PRKCQ: variants seen among roughly 807,000 people sequenced by gnomAD.
PRKCQ encodes the protein protein kinase C theta.
PRKCQ carries 41 observed loss-of-function variants against 91.2 expected under a neutral mutation model. The ratio of observed to expected loss-of-function variants is 0.45; its 90% CI spans 0.35 to 0.58. The LOEUF (loss-of-function observed/expected upper bound fraction) is 0.58. Among genes scored for constraint, PRKCQ ranks in the 20% least tolerant of loss-of-function variants. The pLI, the probability that PRKCQ is intolerant of heterozygous loss-of-function variation, is 0.00. For missense variants in PRKCQ, 673 were observed against 896.5 expected (o/e 0.75, Z 3.18); for synonymous variants, 307 against 316.9 (o/e 0.97, Z 0.33).
intron 8 of PRKCQ, among the ~76,000 whole-genome samples, chr10:6,490,475 T>G (rs1269850572): frequency 6.6e-6 from 1 of 150,376 alleles, no homozygotes; most frequent in African/African-American, 2.4e-5. Context: ...CCTGTAATCC[T>G]AGCACTTTTG....
the PRKCQ span, among the ~76,000 whole-genome samples, chr10:6,394,203 T>C: frequency 6.6e-6 from 1 of 152,220 alleles, no homozygotes; most frequent in Admixed American, 6.5e-5. Flanking sequence ...AAGCAGGGTG[T>C]AGCACTGGCC....
intron 1 of PRKCQ, among the ~76,000 whole-genome samples, chr10:6,571,208 G>A (rs765192908): frequency 4.0e-4 from 61 of 152,116 alleles, no homozygotes; most frequent in Non-Finnish European, 8.5e-4. Flanking sequence ...GTAGACACTG[G>A]AAAAAGCAGA....
chr10:6,555,835 C>T (rs1249328300), intron 1 of PRKCQ, among the ~76,000 whole-genome samples: 1 of 152,030 alleles, frequency 6.6e-6, no homozygotes, highest in Admixed American at 6.6e-5. Flanking sequence ...CATGGCAAAA[C>T]CACGTCTCTA....
At chr10:6,499,552 AATG>A (rs1837791283) in intron 4 of PRKCQ, among the ~76,000 whole-genome samples, 1 of 152,206 alleles carries the variant, frequency 6.6e-6, no homozygotes, top group Admixed American at 6.5e-5. Context: ...CTGTAACAAA[AATG>A]ATACACAAAT....
intron 16 of PRKCQ, among the ~76,000 whole-genome samples, chr10:6,439,694 C>CTT (rs3058866): frequency 0.55 from 84,208 of 151,904 alleles, 23,938 homozygotes; most frequent in Non-Finnish European, 0.62. Context: ...ATAGAATTTT[C>CTT]TTCTGTAGCT....
chr10:6,401,187 C>T, the PRKCQ span, among the ~76,000 whole-genome samples: 1 of 152,128 alleles, frequency 6.6e-6, no homozygotes, highest in Admixed American at 6.5e-5. Context: ...AGCAAGCCAC[C>T]CTAATCAAAT....
chr10:6,540,752 A>G (rs544749015), intron 1 of PRKCQ, among the ~76,000 whole-genome samples: 1 of 152,242 alleles, frequency 6.6e-6, no homozygotes, highest in African/African-American at 2.4e-5. Context: ...ATACCCAGGA[A>G]TGGAATTGCT....
intron 12 of PRKCQ, among the ~76,000 whole-genome samples, chr10:6,471,232 A>T (rs1835945997): frequency 6.7e-6 from 1 of 148,416 alleles, no homozygotes; most frequent in Non-Finnish European, 1.5e-5. Context: ...AGAGCGAAAC[A>T]TGCATCTTGG....
intron 1 of PRKCQ, among the ~76,000 whole-genome samples, chr10:6,531,576 T>C (rs1839396465): frequency 6.6e-6 from 1 of 151,174 alleles, no homozygotes; most frequent in Admixed American, 6.6e-5. Flanking sequence ...CCTCACCACT[T>C]CTCATCACTT....
intron 7 of PRKCQ, among the ~76,000 whole-genome samples, chr10:6,492,189 T>C (rs1006857102): frequency 5.3e-5 from 8 of 151,844 alleles, no homozygotes; most frequent in Non-Finnish European, 8.8e-5. Flanking sequence ...TATAAATATT[T>C]CCTTTTCTCT....
chr10:6,544,718 T>A (rs1219123594), intron 1 of PRKCQ, among the ~76,000 whole-genome samples: 1 of 151,958 alleles, frequency 6.6e-6, no homozygotes, highest in African/African-American at 2.4e-5. Flanking sequence ...CCTCCTGGGT[T>A]TAAGAGATTC....
chr10:6,571,024 G>T (rs760174863), intron 1 of PRKCQ, among the ~76,000 whole-genome samples: 2 of 152,102 alleles, frequency 1.3e-5, no homozygotes, highest in African/African-American at 2.4e-5. Context: ...GCGAGGGGAC[G>T]GCGGAGGCAG....
In PRKCQ at chr10:6,459,830, GCCA is replaced by G. The variant is rs368885749; in HGVS notation, c.1508+2470_1508+2472del. 1.8e-4 allele frequency among the ~76,000 whole-genome samples: 27 copies of G among 152,336 alleles called. No individual in the cohort carries two copies. The South Asian group carries it at 4.4e-3, about 25-fold the overall frequency. On this transcript the variant is annotated intron_variant, in intron 14 of 17. Transcript: ENST00000263125. The stretch of plus-strand genomic sequence containing the variant: ...TCCAAATGTCTAGCTTCCAGAATAA[GCCA>G]CCAAATTTGGGGTAATTTCTTATGG...
the PRKCQ span, among the ~76,000 whole-genome samples, chr10:6,416,195 TC>T: frequency 3.3e-5 from 5 of 150,268 alleles, no homozygotes; most frequent in Admixed American, 2.0e-4. Flanking sequence ...CAAAGATTCT[TC>T]TTTTTTTAAA....
intron 1 of PRKCQ, among the ~76,000 whole-genome samples, chr10:6,558,678 C>A (rs1357242481): frequency 6.6e-6 from 1 of 152,186 alleles, no homozygotes; most frequent in Non-Finnish European, 1.5e-5. Flanking sequence ...GGAATATCGT[C>A]ATCTATTCTT....
intron 1 of PRKCQ, among the ~76,000 whole-genome samples, chr10:6,546,046 G>A (rs1260039752): frequency 6.6e-6 from 1 of 152,096 alleles, no homozygotes; most frequent in Non-Finnish European, 1.5e-5. Flanking sequence ...TAAATTTTGT[G>A]TTACGCGTAT....
intron 1 of PRKCQ, among the ~76,000 whole-genome samples, chr10:6,574,225 G>C (rs973417800): frequency 6.6e-6 from 1 of 152,234 alleles, no homozygotes; most frequent in African/African-American, 2.4e-5. Context: ...ACGTATAGGT[G>C]AGTTTGCAGT....
intron 8 of PRKCQ, chr10:6,489,465 A>C (rs751183233): frequency 1.9e-5 from 10 of 531,510 alleles, no homozygotes; most frequent in South Asian, 1.4e-4. Context: ...CTTGGGAATT[A>C]TTGTGGGGAG....
chr10:6,415,054 C>A, the PRKCQ span, among the ~76,000 whole-genome samples: 1 of 152,038 alleles, frequency 6.6e-6, no homozygotes, highest in Non-Finnish European at 1.5e-5. Context: ...CCTCCGTCTC[C>A]TGGGTTCAAG....
Sources: allele counts gnomAD v4.1 joint callset (sites outside exome capture counted in the v4.1 genomes callset), GRCh38; gene constraint gnomAD v4.1.1; transcripts MANE v1.5; gene names NCBI Gene and HGNC (gene_info 2026-07-23, HGNC 2026-07-21).